HDGFL3: variants seen among roughly 807,000 people sequenced by gnomAD.
The protein encoded by HDGFL3 is HDGF like 3.
In HDGFL3, 6 loss-of-function variants were observed where a neutral mutation model predicts 27.6. The ratio of observed to expected loss-of-function variants is 0.22; its 90% CI spans 0.12 to 0.43. The LOEUF (loss-of-function observed/expected upper bound fraction) is 0.43, where lower values mean the gene tolerates loss of function less well. Ranked by LOEUF, HDGFL3 falls within the 20% of genes least tolerant of loss-of-function variation. The pLI, the probability that HDGFL3 is intolerant of heterozygous loss-of-function variation, is 1.00. For missense variants in HDGFL3, 207 were observed against 250.1 expected, an observed-to-expected ratio of 0.83 and a Z score of 1.16; for synonymous variants, 88 against 88.9, an observed-to-expected ratio of 0.99 and a Z score of 0.05.
At chr15:83,150,376 C>A (rs542770907) in intron 5 of HDGFL3, among the ~76,000 whole-genome samples, 3 of 152,066 alleles carry the variant, frequency 2.0e-5, no homozygotes, top group African/African-American at 7.2e-5. Context: ...AAAGAAAAGT[C>A]AAGAGGATGA....
intron 5 of HDGFL3, among the ~76,000 whole-genome samples, chr15:83,146,097 G>C (rs1017835112): frequency 2.6e-5 from 4 of 151,470 alleles, no homozygotes; most frequent in African/African-American, 9.7e-5. Context: ...TTTTAGTAGA[G>C]ACAGGTTTCA....
chr15:83,178,620 C>A (rs2037341838), intron 1 of HDGFL3, among the ~76,000 whole-genome samples: 1 of 151,942 alleles, frequency 6.6e-6, no homozygotes, highest in South Asian at 2.1e-4. Context: ...GCCATGCCTG[C>A]ATTCCAGCCT....
chr15:83,191,843 A>T (rs1344180458), intron 1 of HDGFL3, among the ~76,000 whole-genome samples: 1 of 152,120 alleles, frequency 6.6e-6, no homozygotes, highest in Admixed American at 6.5e-5. Flanking sequence ...TAATCCATCA[A>T]ATGTCTCAAA....
chr15:83,161,522 G>T (rs2037101055), intron 2 of HDGFL3, among the ~76,000 whole-genome samples: 1 of 152,136 alleles, frequency 6.6e-6, no homozygotes, highest in Non-Finnish European at 1.5e-5. Context: ...TGATGAAAGA[G>T]TTAACAATTT....
intron 1 of HDGFL3, among the ~76,000 whole-genome samples, chr15:83,205,166 A>G (rs2037701777): frequency 6.6e-6 from 1 of 152,206 alleles, no homozygotes; most frequent in Admixed American, 6.5e-5. Flanking sequence ...CTACACAGCT[A>G]TACCTAGGTG....
Position 83,157,534 on chromosome 15 carries a change from C to G in HDGFL3, c.340G>C (p.Gly114Arg). The change falls in exon 4 of 6, where the codon GGT becomes CGT. Residue 114 changes from glycine (G) to arginine (R), a missense_variant. By Grantham distance (125) the Gly-to-Arg change is moderately radical (BLOSUM62 -2). Coordinates refer to ENST00000299633, the MANE Select transcript of HDGFL3 (RefSeq NM_016073.4). ...QQSSSETEGE[G>R]GNTADASSEE... ...CTGCTTGCATCTGCAGTATTTCCAC[C>G]TTCTCCCTCAGTTTCTGAAGAGCTC... 1 of 1,613,866 alleles carries G rather than the reference C, an allele frequency of 6.2e-7. No homozygotes were observed. The highest frequency in any genetic ancestry group is 8.5e-7 in the Non-Finnish European group (1 of 1,179,870).
chr15:83,183,153 C>T (rs1016164505), intron 1 of HDGFL3, among the ~76,000 whole-genome samples: 8 of 151,932 alleles, frequency 5.3e-5, no homozygotes, highest in South Asian at 2.1e-4. Flanking sequence ...CATTACAAGC[C>T]GAGGTTGATT....
intron 5 of HDGFL3, among the ~76,000 whole-genome samples, chr15:83,143,998 T>A (rs2036838698): frequency 6.6e-6 from 1 of 152,154 alleles, no homozygotes; most frequent in South Asian, 2.1e-4. Flanking sequence ...TAATTACAAA[T>A]TTTAAGTCCC....
downstream of HDGFL3, among the ~76,000 whole-genome samples, chr15:83,126,029 G>A (rs2035719400): frequency 6.6e-6 from 1 of 152,188 alleles, no homozygotes; most frequent in African/African-American, 2.4e-5. Context: ...GGCCCCACCT[G>A]TATTCTTGCA....
Position 83,164,927 on chromosome 15 carries a change from C to T in HDGFL3, c.85-852G>A, listed in dbSNP as rs141907290. ...CTGCATGGAGTTGTTTATAAGCATGCTATTTTATTTCATGTAGCCTTCTCT... is the reference window on the plus strand; with the variant it reads ...CTGCATGGAGTTGTTTATAAGCATGTTATTTTATTTCATGTAGCCTTCTCT... On this transcript the variant is annotated intron_variant, in intron 1 of 5. Transcript: ENST00000299633. Among the ~76,000 whole-genome samples, 18 of 152,308 alleles carry T rather than the reference C, an allele frequency of 1.2e-4. No individual in the cohort carries two copies. The East Asian group carries it at 3.3e-3, about 28-fold the overall frequency.
intron 1 of HDGFL3, among the ~76,000 whole-genome samples, chr15:83,167,524 C>A (rs1440111933): frequency 6.6e-6 from 1 of 151,034 alleles, no homozygotes; most frequent in Non-Finnish European, 1.5e-5. Context: ...CACCACTGCA[C>A]CTCCAGGCCT....
In HDGFL3 at chr15:83,136,540, C is replaced by T. The variant is rs772440598; in HGVS notation, c.*2730G>A. 73 of 1,613,546 alleles carry T rather than the reference C, an allele frequency of 4.5e-5. 1 individual carries two copies. In the South Asian group the frequency reaches 7.6e-4, roughly 17 times the overall value. On this transcript the variant is annotated 3_prime_UTR_variant, in exon 6 of 6. Coordinates refer to ENST00000299633, the MANE Select transcript of HDGFL3 (RefSeq NM_016073.4). ...CTAGAACTGCTTATGTCTACAGAGT[C>T]CCTGAAGAAGCAAAAATCCTTTTTT... is the stretch of plus-strand genomic sequence containing the variant.
chr15:83,180,296 G>A (rs1434537842), intron 1 of HDGFL3, among the ~76,000 whole-genome samples: 2 of 152,092 alleles, frequency 1.3e-5, no homozygotes, highest in Non-Finnish European at 2.9e-5. Flanking sequence ...GAATAAAGGA[G>A]TCTCTATGCA....
chr15:83,138,528 C>G lies in HDGFL3; in HGVS notation c.*742G>C, dbSNP rs2036701545. 6.6e-6 allele frequency: 1 copy of G among 152,522 alleles called. No homozygotes were observed. The highest frequency in any genetic ancestry group is 1.9e-4 in the East Asian group (1 of 5,202). The allele number at this position is 152,522 out of a possible 1,614,324, so 9.4% of individuals were successfully genotyped here. On this transcript the variant is annotated 3_prime_UTR_variant, in exon 6 of 6. Coordinates refer to ENST00000299633, the MANE Select transcript of HDGFL3 (RefSeq NM_016073.4). ...GTTTCCCATAGGGCTGTTGCTGATTCCAGCTTTAAAATGTAAAGTATCCAC... is the reference window on the plus strand; with the variant it reads ...GTTTCCCATAGGGCTGTTGCTGATTGCAGCTTTAAAATGTAAAGTATCCAC...
At chr15:83,204,736 C>T (rs2037696029) in intron 1 of HDGFL3, among the ~76,000 whole-genome samples, 1 of 152,134 alleles carries the variant, frequency 6.6e-6, no homozygotes, top group African/African-American at 2.4e-5. Flanking sequence ...CTTTTAGATA[C>T]TCTGTATTTG....
At position 83,115,672 on chromosome 15, in the gene HDGFL3, G is replaced by GT. The variant is rs1567136026; in HGVS notation, c.*36dup. On this transcript the variant is annotated 3_prime_UTR_variant, in exon 4 of 4. Transcript: ENST00000568294. ...GGGATGGGGAGAGCTGCGAACACAG[G>GT]TGGAGGTCCAGCTGGGTGTGTAGAA... 3 of 698,164 alleles carry GT rather than the reference G, an allele frequency of 4.3e-6. No homozygotes were observed. The South Asian group carries it at 4.5e-5, about 10-fold the overall frequency. The allele number at this position is 698,164 out of a possible 1,614,324, so 43.2% of individuals were successfully genotyped here. A position where few individuals can be genotyped will look rare whatever the true frequency, so the allele number is the denominator to read the frequency against.
chr15:83,142,098 G>A (rs1025736208), intron 5 of HDGFL3, among the ~76,000 whole-genome samples: 1 of 152,106 alleles, frequency 6.6e-6, no homozygotes, highest in African/African-American at 2.4e-5. Flanking sequence ...CAACCATTGT[G>A]GAAATCAGTA....
chr15:83,204,228 T>A (rs1475059750), intron 1 of HDGFL3, among the ~76,000 whole-genome samples: 2 of 151,776 alleles, frequency 1.3e-5, no homozygotes, highest in Non-Finnish European at 2.9e-5. Context: ...ATATCAGACA[T>A]ATATCATATA....
intron 1 of HDGFL3, among the ~76,000 whole-genome samples, chr15:83,199,760 A>C (rs1230220937): frequency 6.6e-6 from 1 of 152,108 alleles, no homozygotes. Context: ...GGCCTATCAC[A>C]AGCCAGGTGC....
Sources: allele counts gnomAD v4.1 joint callset (sites outside exome capture counted in the v4.1 genomes callset), GRCh38; gene constraint gnomAD v4.1.1; transcripts MANE v1.5; gene names NCBI Gene and HGNC (gene_info 2026-07-23, HGNC 2026-07-21).